APLF: variants seen among roughly 807,000 people sequenced by gnomAD.
The protein encoded by APLF is aprataxin and PNK-like factor.
APLF carries 61 observed loss-of-function variants against 55.6 expected under a neutral mutation model. That is an observed-to-expected ratio of 1.10 (90% CI 0.89 to 1.36). The LOEUF (loss-of-function observed/expected upper bound fraction) is 1.36. APLF is among the 40% of genes most tolerant of loss of function. The pLI is 0.00. For missense variants in APLF, 611 were observed against 602.5 expected, an observed-to-expected ratio of 1.01 and a Z score of -0.15; for synonymous variants, 207 against 214.8, an observed-to-expected ratio of 0.96 and a Z score of 0.32.
chr2:68,481,291 C>G (rs1407850038), intron 1 of APLF, among the ~76,000 whole-genome samples: 1 of 152,090 alleles, frequency 6.6e-6, no homozygotes, highest in Non-Finnish European at 1.5e-5. Flanking sequence ...ACGGAATTCC[C>G]TTAGTTTTTG....
intron 9 of APLF, among the ~76,000 whole-genome samples, chr2:68,571,632 C>G (rs1671467226): frequency 6.6e-6 from 1 of 152,004 alleles, no homozygotes; most frequent in Admixed American, 6.6e-5. Context: ...TCTGAGGGCT[C>G]TTCTGTTCCA....
intron 5 of APLF, among the ~76,000 whole-genome samples, chr2:68,515,167 T>G (rs1266871020): frequency 1.3e-5 from 2 of 151,698 alleles, no homozygotes; most frequent in African/African-American, 4.8e-5. Context: ...GCACTATACT[T>G]TATGTGTTAA....
At chr2:68,504,502 A>G (rs1676818022) in intron 3 of APLF, among the ~76,000 whole-genome samples, 1 of 151,990 alleles carries the variant, frequency 6.6e-6, no homozygotes. Flanking sequence ...GAAGCAATTC[A>G]CCATAACAGA....
intron 1 of APLF, among the ~76,000 whole-genome samples, chr2:68,488,230 G>A (rs1230865521): frequency 1.3e-5 from 2 of 151,842 alleles, no homozygotes; most frequent in Admixed American, 6.6e-5. Context: ...ACCCAAGTCA[G>A]AAATAGGAAC....
Position 68,517,083 on chromosome 2 carries a change from GTTA to G in APLF, c.622+3407_622+3409del, listed in dbSNP as rs553058484. ...TATATAACATGTTAATATATAATATGTTATTAATATATAATATACTAATATATA... is the reference window on the plus strand; with the variant it reads ...TATATAACATGTTAATATATAATATGTTAATATATAATATACTAATATATA... On this transcript the variant is annotated intron_variant, in intron 5 of 9. Transcript: ENST00000303795. Among the ~76,000 whole-genome samples the G allele has an allele frequency of 9.4e-3, 1,137 of 121,348 alleles. 16 individuals are homozygous for G. The highest frequency in any genetic ancestry group is 0.036 in the African/African-American group (1,073 of 30,080). 79.6% of individuals were successfully genotyped at this position (121,348 alleles called of 152,430 possible).
At chr2:68,494,865 G>A (rs1405140532) in intron 2 of APLF, among the ~76,000 whole-genome samples, 2 of 151,958 alleles carry the variant, frequency 1.3e-5, no homozygotes, top group Non-Finnish European at 2.9e-5. Flanking sequence ...AGTATTCCAT[G>A]GTATATATAT....
At chr2:68,543,788 A>G (rs1015970905) in intron 7 of APLF, among the ~76,000 whole-genome samples, 5 of 152,140 alleles carry the variant, frequency 3.3e-5, no homozygotes, top group African/African-American at 1.2e-4. Flanking sequence ...GCTACATGTA[A>G]CAACATGAAT....
At chr2:68,494,526 T>C (rs757153764) in intron 2 of APLF, among the ~76,000 whole-genome samples, 31 of 151,870 alleles carry the variant, frequency 2.0e-4, no homozygotes, top group Non-Finnish European at 3.8e-4. Flanking sequence ...GGGATACACG[T>C]ACAGGGTGTG....
chr2:68,524,692 G>A (rs1288529141), intron 5 of APLF, among the ~76,000 whole-genome samples: 2 of 152,144 alleles, frequency 1.3e-5, no homozygotes, highest in African/African-American at 2.4e-5. Context: ...GGAATCTTTG[G>A]ACAAATTGTT....
At chr2:68,518,716 A>G (rs1414559756) in intron 5 of APLF, among the ~76,000 whole-genome samples, 2 of 125,398 alleles carry the variant, frequency 1.6e-5, no homozygotes, top group Non-Finnish European at 3.1e-5. Flanking sequence ...ATATACAATA[A>G]TATATCATTA....
At chr2:68,547,332 A>G (rs931246523) in intron 8 of APLF, among the ~76,000 whole-genome samples, 2 of 151,826 alleles carry the variant, frequency 1.3e-5, no homozygotes, top group Non-Finnish European at 3.0e-5. Flanking sequence ...TTTGTATACA[A>G]ACTGATTCAA....
intron 5 of APLF, among the ~76,000 whole-genome samples, chr2:68,513,994 G>A (rs929751859): frequency 6.6e-6 from 1 of 151,722 alleles, no homozygotes; most frequent in Non-Finnish European, 1.5e-5. Context: ...CACAATAAGA[G>A]GGTTTAATTT....
intron 1 of APLF, among the ~76,000 whole-genome samples, chr2:68,478,792 A>C (rs1266720040): frequency 6.6e-6 from 1 of 152,314 alleles, no homozygotes; most frequent in Non-Finnish European, 1.5e-5. Context: ...AAGGCAGGAA[A>C]GGATAGCCAG....
intron 1 of APLF, among the ~76,000 whole-genome samples, chr2:68,469,396 T>C (rs577025298): frequency 1.3e-5 from 2 of 152,326 alleles, no homozygotes; most frequent in African/African-American, 4.8e-5. Context: ...ACCGTTTCAT[T>C]ATTTGTAGCT....
In APLF at chr2:68,578,684, A is replaced by T; in HGVS notation, c.*662A>T. 4 of 985,410 alleles carry T rather than the reference A, an allele frequency of 4.1e-6. No individual in the cohort carries two copies. The highest frequency in any genetic ancestry group is 3.6e-6 in the Non-Finnish European group (3 of 829,886). 61.0% of individuals were successfully genotyped at this position (985,410 alleles called of 1,614,324 possible). A position where few individuals can be genotyped will look rare whatever the true frequency, so the allele number is the denominator to read the frequency against. On this transcript the variant is annotated 3_prime_UTR_variant, in exon 10 of 10. Transcript: ENST00000303795. ...CAATTTACTGTATGTTTGAATTTAA[A>T]AGTAAAAAAACTCAAAAAACTTGAC...
chr2:68,577,643 G>T (rs948396854), intron 9 of APLF, among the ~76,000 whole-genome samples, 177 bp from the exon 10 acceptor site: 8 of 152,088 alleles, frequency 5.3e-5, no homozygotes, highest in African/African-American at 1.9e-4. Flanking sequence ...GGTAGGAAAA[G>T]TTAGAATAAT....
Position 68,467,811 on chromosome 2 carries a change from G to C in APLF, c.80G>C (p.Arg27Pro), listed in dbSNP as rs1256888135. 2.4e-6 allele frequency: 3 copies of C among 1,233,320 alleles called. No homozygotes were observed. The highest frequency in any genetic ancestry group is 3.0e-6 in the Non-Finnish European group (3 of 988,136). 76.4% of individuals were successfully genotyped at this position (1,233,320 alleles called of 1,614,324 possible). A position where few individuals can be genotyped will look rare whatever the true frequency, so the allele number is the denominator to read the frequency against. The change falls in exon 1 of 10, where the codon CGC becomes CCC. Residue 27 changes from arginine to proline, a missense_variant. Transcript: ENST00000303795. ...ALAPGETVIG[R>P]GPLLGITDKR... The stretch of plus-strand genomic sequence containing the variant: ...GCGCCCGGGGAGACGGTGATCGGCC[G>C]CGGGCCGCTGCTGGGAGTAAGTGTG...
intron 3 of APLF, among the ~76,000 whole-genome samples, chr2:68,505,801 G>A (rs1332248376): frequency 1.3e-5 from 2 of 151,960 alleles, no homozygotes; most frequent in East Asian, 3.9e-4. Flanking sequence ...TCTGAACTTT[G>A]TCTTTTTGGG....
intron 2 of APLF, among the ~76,000 whole-genome samples, chr2:68,493,384 G>A (rs1055987848): frequency 6.6e-6 from 1 of 152,092 alleles, no homozygotes; most frequent in African/African-American, 2.4e-5. Flanking sequence ...TAGATTAAAT[G>A]TGAGAGTCAA....
Sources: allele counts gnomAD v4.1 joint callset (sites outside exome capture counted in the v4.1 genomes callset), GRCh38; gene constraint gnomAD v4.1.1; transcripts MANE v1.5; gene names NCBI Gene and HGNC (gene_info 2026-07-23, HGNC 2026-07-21).